ATP6V1B2: variants seen among roughly 807,000 people sequenced by gnomAD.
The protein encoded by ATP6V1B2 is ATPase H+ transporting V1 subunit B2, also known as V-type proton ATPase subunit B, brain isoform.
In ATP6V1B2, 23 loss-of-function variants were observed where a neutral mutation model predicts 66.7. The ratio of observed to expected loss-of-function variants is 0.34; its 90% CI spans 0.25 to 0.49. The LOEUF (loss-of-function observed/expected upper bound fraction) is 0.49, where lower values mean the gene tolerates loss of function less well. ATP6V1B2 is among the 20% of genes least tolerant of loss of function. ATP6V1B2 has a pLI of 0.99. For missense variants in ATP6V1B2, 478 were observed against 650.8 expected (o/e 0.73, Z 2.89); for synonymous variants, 278 against 236.7 (o/e 1.17, Z -1.60).
intron 9 of ATP6V1B2, 175 bp downstream of exon 9, chr8:20,213,080 G>A (rs1037747611): frequency 6.7e-6 from 5 of 748,820 alleles, no homozygotes; most frequent in African/African-American, 5.4e-5. Context: ...CTTGGTAGAA[G>A]TGATTAGAGG....
At position 20,197,487 on chromosome 8, in the gene ATP6V1B2, A is replaced by G. The variant is rs1585242510; in HGVS notation, c.81A>G (p.Gly27=). Residue 27 remains glycine (G), a synonymous_variant, in exon 1 of 14, where the codon GGA becomes GGG. Transcript: ENST00000276390. ...TGCCCACCGGTGGGCCGGCGGTGGG[A>G]GCTCGGGAGCAGGCGCTGGCAGTCA... The part of the protein sequence containing the change: ...LPVPTGGPAV[G]AREQALAVSR... 6.6e-7 allele frequency: 1 copy of G among 1,505,714 alleles called. No individual in the cohort carries two copies. The highest frequency in any genetic ancestry group is 8.9e-7 in the Non-Finnish European group (1 of 1,127,054). The allele number at this position is 1,505,714 out of a possible 1,614,324, so 93.3% of individuals were successfully genotyped here. A position where few individuals can be genotyped will look rare whatever the true frequency, so the allele number is the denominator to read the frequency against.
At chr8:20,211,062 A>T in intron 5 of ATP6V1B2, 115 bp from the exon 6 acceptor site, 2 of 1,327,220 alleles carry the variant, frequency 1.5e-6, no homozygotes, top group Non-Finnish European at 2.1e-6. Context: ...GAGATGCTTT[A>T]TGTAGTTCTG....
At chr8:20,212,739 G>A (rs775893365) in intron 8 of ATP6V1B2, 43 bp from the exon 9 acceptor site, 2 of 1,584,326 alleles carry the variant, frequency 1.3e-6, no homozygotes, top group South Asian at 2.3e-5. Flanking sequence ...TTTCTTTTTG[G>A]TCTTTTGGTT....
chr8:20,211,345 GT>G, intron 6 of ATP6V1B2, 29 bp downstream of exon 6: 1 of 1,594,282 alleles, frequency 6.3e-7, no homozygotes. Context: ...TTGCTATGAA[GT>G]TTAGCAGACA....
In ATP6V1B2 at chr8:20,204,465, C is replaced by G; in HGVS notation, c.137-19C>G. ...TTGTGCTATTTGACTAAAACTGACT[C>G]TTCTGTATTTCTTTCCAGCATACAA... On this transcript the variant is annotated intron_variant, in intron 1 of 13. Transcript: ENST00000276390. The G allele has an allele frequency of 6.2e-7, 1 of 1,607,314 alleles. No individual in the cohort carries two copies. The highest frequency in any genetic ancestry group is 8.5e-7 in the Non-Finnish European group (1 of 1,175,240).
At chr8:20,209,965 G>A (rs1050452560) in intron 3 of ATP6V1B2, among the ~76,000 whole-genome samples, 4 of 151,704 alleles carry the variant, frequency 2.6e-5, no homozygotes, top group Admixed American at 6.6e-5. Flanking sequence ...TCTGTAAAGG[G>A]CCAGAGAGTA....
chr8:20,208,732 G>T (rs2072762945), intron 2 of ATP6V1B2, among the ~76,000 whole-genome samples: 1 of 136,980 alleles, frequency 7.3e-6, no homozygotes, highest in South Asian at 2.3e-4. Flanking sequence ...TTTTGAGACA[G>T]AGTCTTTTTC....
chr8:20,199,890 C>A (rs547692541), intron 1 of ATP6V1B2, among the ~76,000 whole-genome samples: 6 of 151,964 alleles, frequency 3.9e-5, no homozygotes, highest in African/African-American at 1.4e-4. Context: ...GGATAACAGG[C>A]ATGAGCCACC....
chr8:20,218,580 C>A (rs1295739796), intron 13 of ATP6V1B2, among the ~76,000 whole-genome samples: 1 of 152,134 alleles, frequency 6.6e-6, no homozygotes, highest in Non-Finnish European at 1.5e-5. Flanking sequence ...GCCAGTTCTC[C>A]TTGCTGCTAA....
intron 10 of ATP6V1B2, chr8:20,215,192 G>C (rs1348198371): frequency 2.4e-6 from 1 of 419,432 alleles, no homozygotes; most frequent in Non-Finnish European, 4.2e-6. Flanking sequence ...ACTTTATTAG[G>C]TACTATTGAG....
At chr8:20,198,844 A>G (rs1013030764) in intron 1 of ATP6V1B2, among the ~76,000 whole-genome samples, 3 of 152,214 alleles carry the variant, frequency 2.0e-5, no homozygotes. Flanking sequence ...CGAATTAGAA[A>G]ATGTATGTTG....
chr8:20,218,261 G>C lies in ATP6V1B2; in HGVS notation c.1375G>C (p.Glu459Gln), dbSNP rs755083102. 6.2e-7 allele frequency: 1 copy of C among 1,613,306 alleles called. No homozygotes were observed. The highest frequency in any genetic ancestry group is 8.5e-7 in the Non-Finnish European group (1 of 1,179,430). ...LLYLEFLQKF[E>Q]RNFIAQGPYE... Reference sequence around the variant, plus strand: ...CTACTTGGAATTTCTGCAGAAGTTTGAGAGGAACTTCATTGCTCAGGGTAA... The same window carrying C: ...CTACTTGGAATTTCTGCAGAAGTTTCAGAGGAACTTCATTGCTCAGGGTAA... Residue 459 changes from glutamate (E) to glutamine (Q), a missense_variant, in exon 13 of 14, where the codon GAG becomes CAG. Glu to Gln is a conservative substitution (Grantham distance 29). Around this residue, in one of 2 missense-constraint regions of ATP6V1B2, gnomAD observed 326 missense variants for 545.6 expected, o/e 0.60. Coordinates refer to ENST00000276390, the MANE Select transcript of ATP6V1B2 (RefSeq NM_001693.4).
chr8:20,200,190 T>C (rs2072671199), intron 1 of ATP6V1B2, among the ~76,000 whole-genome samples: 2 of 151,778 alleles, frequency 1.3e-5, no homozygotes, highest in South Asian at 4.2e-4. Flanking sequence ...TTTTTATTTT[T>C]TATTTTTGGT....
intron 11 of ATP6V1B2, chr8:20,217,000 C>T (rs1167979657): frequency 9.4e-6 from 5 of 530,484 alleles, no homozygotes; most frequent in African/African-American, 3.8e-5. Context: ...TTATAGATGA[C>T]ACTTTTTTGG....
intron 3 of ATP6V1B2, among the ~76,000 whole-genome samples, chr8:20,209,768 G>T (rs2072774688): frequency 6.6e-6 from 1 of 152,178 alleles, no homozygotes; most frequent in Non-Finnish European, 1.5e-5. Context: ...CATGTAGAAG[G>T]AGAGAGATGA....
Position 20,210,594 on chromosome 8 carries a change from A to T in ATP6V1B2, c.411A>T (p.Lys137Asn). 1 of 1,613,726 alleles carries T rather than the reference A, an allele frequency of 6.2e-7. No individual in the cohort carries two copies. The highest frequency in any genetic ancestry group is 1.1e-5 in the South Asian group (1 of 91,082). Residue 137 changes from lysine to asparagine, a missense_variant, in exon 5 of 14, where the codon AAA becomes AAT. By Grantham distance (94) the Lys-to-Asn change is moderately conservative. Coordinates refer to ENST00000276390, the MANE Select transcript of ATP6V1B2 (RefSeq NM_001693.4). ...MLGRVFNGSG[K>N]PIDRGPVVLA... Reference sequence around the variant, plus strand: ...GTCGGGTATTCAATGGATCGGGAAAACCCATTGACAGAGGTCCTGTTGTAC... The same window carrying T: ...GTCGGGTATTCAATGGATCGGGAAATCCCATTGACAGAGGTCCTGTTGTAC...
chr8:20,212,751 G>A (rs2072808032), intron 8 of ATP6V1B2, 31 bp from the exon 9 acceptor site: 13 of 1,595,858 alleles, frequency 8.1e-6, no homozygotes, highest in Non-Finnish European at 9.4e-6. Flanking sequence ...CTTTTGGTTT[G>A]AGTGGCCTAA....
At position 20,216,501 on chromosome 8, in the gene ATP6V1B2, G is replaced by A. The variant is rs772848721; in HGVS notation, c.1161+6G>A. ...GACAGCTGCACAACAGACAGGTACT[G>A]GACGGGAGCAGTGCTGGGAAGCTTG... On this transcript the variant is annotated splice_donor_region_variant and intron_variant, in intron 11 of 13. Coordinates refer to ENST00000276390, the MANE Select transcript of ATP6V1B2 (RefSeq NM_001693.4). The A allele has an allele frequency of 2.5e-6, 4 of 1,611,890 alleles. No individual in the cohort carries two copies. Among genetic ancestry groups the A allele is most frequent in the African/African-American group, 1.3e-5 (1 of 74,814 alleles).
intron 1 of ATP6V1B2, among the ~76,000 whole-genome samples, chr8:20,201,664 C>T (rs2072689325): frequency 6.6e-6 from 1 of 152,146 alleles, no homozygotes; most frequent in African/African-American, 2.4e-5. Context: ...AAGCCTGGCT[C>T]CCCCATTTAA....
Sources: gnomAD v4.1 joint callset for allele counts (sites outside exome capture counted in the v4.1 genomes callset) on GRCh38, gnomAD v4.1.1 for gene constraint, gnomAD v4.1.1 regional missense constraint, MANE v1.5 for transcripts, NCBI Gene and HGNC (gene_info 2026-07-23, HGNC 2026-07-21) for gene names.